SLC24A3: variants seen among roughly 807,000 people sequenced by gnomAD.
The protein encoded by SLC24A3 is sodium/potassium/calcium exchanger 3.
A neutral mutation model predicts 75.8 loss-of-function variants in SLC24A3; 28 were observed. The ratio of observed to expected loss-of-function variants is 0.37; its 90% confidence interval spans 0.27 to 0.51. The LOEUF is 0.51. Ranked by LOEUF, SLC24A3 falls within the 20% of genes least tolerant of loss-of-function variation. The probability of loss-of-function intolerance (pLI) is 0.94; values close to 1 mark genes in which losing one functional copy is unlikely to be tolerated. For synonymous variants in SLC24A3, 372 were observed against 334.1 expected, an observed-to-expected ratio of 1.11 and a Z score of -1.24; for missense variants, 663 against 847.8, an observed-to-expected ratio of 0.78 and a Z score of 2.71.
intron 1 of SLC24A3, among the ~76,000 whole-genome samples, chr20:19,216,058 A>C (rs1017350642): frequency 6.6e-6 from 1 of 152,080 alleles, no homozygotes; most frequent in Non-Finnish European, 1.5e-5. Flanking sequence ...ATCTGCAGAC[A>C]CTCTTTTCGG....
chr20:19,406,179 ATGG>A (rs1345921717), intron 2 of SLC24A3, among the ~76,000 whole-genome samples: 4 of 148,120 alleles, frequency 2.7e-5, no homozygotes, highest in African/African-American at 1.0e-4. Flanking sequence ...GCTTTTAAAG[ATGG>A]TGTGTGTGTG....
At chr20:19,392,078 G>A (rs1207277721) in intron 2 of SLC24A3, among the ~76,000 whole-genome samples, 2 of 152,198 alleles carry the variant, frequency 1.3e-5, no homozygotes, top group African/African-American at 4.8e-5. Context: ...GGGGCACACA[G>A]TAGGTATACA....
At chr20:19,606,136 G>A (rs1024218276) in intron 6 of SLC24A3, among the ~76,000 whole-genome samples, 1 of 152,202 alleles carries the variant, frequency 6.6e-6, no homozygotes, top group Non-Finnish European at 1.5e-5. Context: ...ACCCAAAACT[G>A]TGCTCAATAG....
At chr20:19,379,985 T>C (rs556622131) in intron 2 of SLC24A3, among the ~76,000 whole-genome samples, 2 of 152,358 alleles carry the variant, frequency 1.3e-5, no homozygotes, top group South Asian at 2.1e-4. Flanking sequence ...GTATGGCAAA[T>C]ACCCTACTTG....
intron 2 of SLC24A3, among the ~76,000 whole-genome samples, chr20:19,439,169 A>G (rs569991408): frequency 6.6e-6 from 1 of 152,242 alleles, no homozygotes; most frequent in Admixed American, 6.5e-5. Flanking sequence ...CTGCCCCCTT[A>G]GCACTCTGTG....
intron 6 of SLC24A3, among the ~76,000 whole-genome samples, chr20:19,650,811 A>G (rs1214326039): frequency 6.6e-6 from 1 of 152,060 alleles, no homozygotes; most frequent in Non-Finnish European, 1.5e-5. Context: ...GTGGCTTATA[A>G]TTGTCTTTTT....
At chr20:19,643,537 G>A (rs1234889560) in intron 6 of SLC24A3, among the ~76,000 whole-genome samples, 1 of 152,270 alleles carries the variant, frequency 6.6e-6, no homozygotes, top group African/African-American at 2.4e-5. Context: ...GAGAAATGGA[G>A]CATCTGTCCC....
At chr20:19,288,647 A>T (rs1166373277) in intron 2 of SLC24A3, among the ~76,000 whole-genome samples, 1 of 152,226 alleles carries the variant, frequency 6.6e-6, no homozygotes, top group Admixed American at 6.5e-5. Flanking sequence ...CGGTATGATG[A>T]TGCCCAGTTG....
chr20:19,587,738 T>C (rs750017934), intron 6 of SLC24A3, among the ~76,000 whole-genome samples: 2 of 152,182 alleles, frequency 1.3e-5, no homozygotes, highest in Non-Finnish European at 2.9e-5. Flanking sequence ...AGAAGTTACT[T>C]ATGTTCTCAA....
chr20:19,440,678 T>G (rs1403902626), intron 2 of SLC24A3, among the ~76,000 whole-genome samples: 1 of 151,378 alleles, frequency 6.6e-6, no homozygotes, highest in Non-Finnish European at 1.5e-5. Context: ...AAGAATGAAT[T>G]TATTTAGTAG....
intron 2 of SLC24A3, among the ~76,000 whole-genome samples, chr20:19,290,184 G>A (rs1186744602): frequency 6.6e-6 from 1 of 152,164 alleles, no homozygotes; most frequent in African/African-American, 2.4e-5. Flanking sequence ...GGGCTTGTGA[G>A]GCACACTCAA....
At chr20:19,376,407 A>G (rs1986084265) in intron 2 of SLC24A3, among the ~76,000 whole-genome samples, 1 of 152,192 alleles carries the variant, frequency 6.6e-6, no homozygotes, top group African/African-American at 2.4e-5. Flanking sequence ...AGAAGGATTA[A>G]TGGAAACTAT....
intron 6 of SLC24A3, among the ~76,000 whole-genome samples, chr20:19,591,542 G>A (rs753410799): frequency 2.6e-5 from 4 of 151,568 alleles, no homozygotes; most frequent in Non-Finnish European, 4.4e-5. Flanking sequence ...TCAGGCCTCA[G>A]GTACACATAC....
At chr20:19,357,689 A>G (rs572712083) in intron 2 of SLC24A3, among the ~76,000 whole-genome samples, 99 of 152,260 alleles carry the variant, frequency 6.5e-4, no homozygotes, top group Admixed American at 1.6e-3. Flanking sequence ...CTGAAATTGG[A>G]GATACATACA....
intron 4 of SLC24A3, among the ~76,000 whole-genome samples, chr20:19,583,825 G>A (rs770483432): frequency 1.3e-5 from 2 of 151,824 alleles, no homozygotes; most frequent in African/African-American, 2.4e-5. Context: ...CGCTATCTGC[G>A]CCTCCATCTT....
At chr20:19,544,078 AC>A (rs2030548410) in intron 3 of SLC24A3, among the ~76,000 whole-genome samples, 1 of 152,212 alleles carries the variant, frequency 6.6e-6, no homozygotes, top group South Asian at 2.1e-4. Flanking sequence ...TTCATTTCTA[AC>A]CAAAAATATC....
At chr20:19,713,164 G>A (rs1488199529) in intron 15 of SLC24A3, among the ~76,000 whole-genome samples, 1 of 152,214 alleles carries the variant, frequency 6.6e-6, no homozygotes, top group East Asian at 1.9e-4. Flanking sequence ...ATGAGATGCA[G>A]GCAGGAGTGC....
At chr20:19,480,124 A>G (rs768140473) in intron 2 of SLC24A3, among the ~76,000 whole-genome samples, 9 of 152,202 alleles carry the variant, frequency 5.9e-5, no homozygotes, top group Non-Finnish European at 1.0e-4. Context: ...TGTTATAATC[A>G]TACTCGTTTT....
rs113604350 is a variant in SLC24A3, at chr20:19,697,723, C to T, written c.1606+812C>T. The T allele has an allele frequency of 5.8e-3, 889 of 152,278 alleles. 2 individuals are homozygous for T. The highest frequency in any genetic ancestry group is 0.027 in the Middle Eastern group (8 of 296). 9.4% of individuals were successfully genotyped at this position (152,278 alleles called of 1,614,324 possible). A position where few individuals can be genotyped will look rare whatever the true frequency, so the allele number is the denominator to read the frequency against. Reference sequence around the variant, plus strand: ...GTGTCCCATAGACATCCTCATGAAGCTCTACTGTTGTCTACACTATTGTTC... The same window carrying T: ...GTGTCCCATAGACATCCTCATGAAGTTCTACTGTTGTCTACACTATTGTTC... On this transcript the variant is annotated intron_variant, in intron 14 of 16. Coordinates refer to ENST00000328041, the MANE Select transcript of SLC24A3 (RefSeq NM_020689.4).
Sources: allele counts gnomAD v4.1 joint callset (sites outside exome capture counted in the v4.1 genomes callset), GRCh38; gene constraint gnomAD v4.1.1; transcripts MANE v1.5; gene names NCBI Gene and HGNC (gene_info 2026-07-23, HGNC 2026-07-21).